Variants in NRBF2 observed in about 807,000 individuals in gnomAD.
NRBF2 encodes the protein nuclear receptor binding factor 2.
NRBF2 carries 12 observed loss-of-function variants against 28.5 expected under a neutral mutation model. The observed-to-expected ratio is 0.42, with a 90% CI of 0.27 to 0.68. The LOEUF (loss-of-function observed/expected upper bound fraction) is 0.68. Ranked by LOEUF, NRBF2 falls within the 30% of genes least tolerant of loss-of-function variation. The pLI is 0.24. For missense variants in NRBF2, 274 were observed against 333.5 expected, an observed-to-expected ratio of 0.82 and a Z score of 1.39; for synonymous variants, 102 against 116.5, an observed-to-expected ratio of 0.88 and a Z score of 0.80.
At chr10:63,134,585 G>A (rs1389840586) in intron 1 of NRBF2, among the ~76,000 whole-genome samples, 1 of 152,136 alleles carries the variant, frequency 6.6e-6, no homozygotes, top group African/African-American at 2.4e-5. Flanking sequence ...CAAACTACTT[G>A]GCTTCACTCG....
At chr10:63,144,759 G>C (rs558915159) in intron 1 of NRBF2, among the ~76,000 whole-genome samples, 1 of 152,238 alleles carries the variant, frequency 6.6e-6, no homozygotes, top group East Asian at 1.9e-4. Context: ...CATTGTGTGT[G>C]TATACTGCAT....
Position 63,154,084 on chromosome 10 carries a change from C to T in NRBF2, c.730C>T (p.Gln244Ter), listed in dbSNP as rs1254684809. 1.2e-6 allele frequency: 2 copies of T among 1,613,838 alleles called. No individual in the cohort carries two copies. The highest frequency in any genetic ancestry group is 2.2e-5 in the East Asian group (1 of 44,882). Residue 244 changes from glutamine (Q) to a stop codon, truncating the protein, a stop_gained, in exon 4 of 4, where the codon CAG becomes TAG. Coordinates refer to ENST00000277746, the MANE Select transcript of NRBF2 (RefSeq NM_030759.5). LOFTEE classifies it high-confidence loss of function. ...AACTGCTACAGCCTCCTCAACCTGG[C>T]AGAAGTTCGCAGCAAATACTGGGAA... Reference protein sequence around the residue: ...AETATASSTWQKFAANTGKAK... With the variant: ...AETATASSTW
At position 63,153,538 on chromosome 10, in the gene NRBF2, G is replaced by C. The variant is rs755719040; in HGVS notation, c.184G>C (p.Asp62His). 1 of 1,611,426 alleles carries C rather than the reference G, an allele frequency of 6.2e-7. No individual in the cohort carries two copies. The highest frequency in any genetic ancestry group is 1.1e-5 in the South Asian group (1 of 90,920). ...QAHLSLELQRDSHMKQLLLIQ... is the reference protein window; with the variant it reads ...QAHLSLELQRHSHMKQLLLIQ... Reference sequence around the variant, plus strand: ...TCATCTTTCACTGGAATTGCAAAGGGATAGCCATATGAAACAGCTCCTCCT... The same window carrying C: ...TCATCTTTCACTGGAATTGCAAAGGCATAGCCATATGAAACAGCTCCTCCT... Residue 62 changes from aspartate to histidine, a missense_variant, in exon 4 of 4, where the codon GAT (aspartate) becomes CAT (histidine). Physicochemically the swap from Asp to His is moderately conservative, Grantham distance 81. Transcript: ENST00000277746.
intron 1 of NRBF2, among the ~76,000 whole-genome samples, chr10:63,138,309 T>A (rs1841405472): frequency 6.7e-6 from 1 of 150,170 alleles, no homozygotes; most frequent in South Asian, 2.1e-4. Context: ...TGAAACTCCG[T>A]ATCAAAAAAC....
At chr10:63,133,547 C>A (rs1365628764) in intron 1 of NRBF2, 47 bp downstream of exon 1, 1 of 1,437,928 alleles carries the variant, frequency 7.0e-7, no homozygotes, top group Non-Finnish European at 9.8e-7. Context: ...GCCTTTGCCT[C>A]AGGAGCCCGG....
chr10:63,144,900 G>T (rs531331803), intron 1 of NRBF2, among the ~76,000 whole-genome samples: 1 of 152,096 alleles, frequency 6.6e-6, no homozygotes, highest in Non-Finnish European at 1.5e-5. Flanking sequence ...GCTAAATCGT[G>T]TGTGTTTGTT....
At chr10:63,141,506 G>A (rs1479914997) in intron 1 of NRBF2, among the ~76,000 whole-genome samples, 1 of 152,188 alleles carries the variant, frequency 6.6e-6, no homozygotes, top group African/African-American at 2.4e-5. Flanking sequence ...TCAACTTCTT[G>A]ATGGCAGGTA....
chr10:63,142,836 A>G (rs975426441), intron 1 of NRBF2, among the ~76,000 whole-genome samples: 78 of 123,206 alleles, frequency 6.3e-4, no homozygotes, highest in African/African-American at 2.4e-3. Flanking sequence ...GCTAGAGTGC[A>G]GTAGCACGAT....
intron 1 of NRBF2, among the ~76,000 whole-genome samples, chr10:63,134,770 C>T (rs1196397783): frequency 4.6e-5 from 7 of 152,194 alleles, no homozygotes; most frequent in Admixed American, 6.5e-5. Context: ...CTAAGATTCT[C>T]GGACCAAATC....
intron 3 of NRBF2, among the ~76,000 whole-genome samples, chr10:63,152,559 G>C (rs1353373489): frequency 2.0e-5 from 3 of 152,200 alleles, no homozygotes; most frequent in Admixed American, 2.0e-4. Context: ...CCCTTTGCTT[G>C]TCAAAGATAA....
At chr10:63,139,389 G>C (rs1423270067) in intron 1 of NRBF2, among the ~76,000 whole-genome samples, 1 of 152,170 alleles carries the variant, frequency 6.6e-6, no homozygotes, top group African/African-American at 2.4e-5. Flanking sequence ...AAGTAATACT[G>C]TTTTCTTTTG....
chr10:63,143,313 A>T (rs751339962), intron 1 of NRBF2, among the ~76,000 whole-genome samples: 31 of 152,214 alleles, frequency 2.0e-4, no homozygotes, highest in Non-Finnish European at 4.0e-4. Context: ...CCTGTGTTTT[A>T]TACTGAGTAT....
chr10:63,138,726 A>AG (rs2132678185), intron 1 of NRBF2, among the ~76,000 whole-genome samples: 1 of 86,342 alleles, frequency 1.2e-5, no homozygotes, highest in Non-Finnish European at 3.6e-5. Flanking sequence ...CCTGGGCGAC[A>AG]GAGCGAGACT....
rs1180931777 is a variant in NRBF2 at position 63,153,913 on chromosome 10, G to T, written c.559G>T (p.Ala187Ser). The change falls in exon 4 of 4, where the codon GCT (alanine) becomes TCT (serine). Residue 187 changes from alanine to serine, a missense_variant. Ala to Ser is a moderately conservative substitution (Grantham distance 99). Coordinates refer to ENST00000277746, the MANE Select transcript of NRBF2 (RefSeq NM_030759.5). Reference protein sequence around the residue: ...DLKRHVEFLVAENERLRKENK... With the variant: ...DLKRHVEFLVSENERLRKENK... ...GAAGAGGCATGTGGAATTCCTTGTG[G>T]CTGAGAATGAAAGATTAAGGAAAGA... 1 of 1,611,994 alleles carries T rather than the reference G, an allele frequency of 6.2e-7. No individual in the cohort carries two copies. The highest frequency in any genetic ancestry group is 1.7e-5 in the Admixed American group (1 of 60,010).
intron 1 of NRBF2, among the ~76,000 whole-genome samples, chr10:63,135,246 T>C (rs1841357012): frequency 6.6e-6 from 1 of 152,202 alleles, no homozygotes; most frequent in African/African-American, 2.4e-5. Flanking sequence ...TAGTTGGCAA[T>C]GAAATACAGT....
intron 2 of NRBF2, among the ~76,000 whole-genome samples, chr10:63,148,369 G>A (rs764025304): frequency 3.3e-5 from 5 of 152,212 alleles, no homozygotes; most frequent in Non-Finnish European, 7.3e-5. Flanking sequence ...GAAAGTTGAC[G>A]TGGTTGAAAT....
chr10:63,133,388 T>A lies in NRBF2; in HGVS notation c.-83T>A. 1.3e-6 allele frequency: 2 copies of A among 1,545,644 alleles called. No individual in the cohort carries two copies. Among genetic ancestry groups the A allele is most frequent in the Non-Finnish European group, 1.8e-6 (2 of 1,128,486 alleles). ...AGAGAGGGGCCGCAGTCTCCGCGGC[T>A]GCGTCGAGCTCCCTTGCAGTCCCCT... On this transcript the variant is annotated 5_prime_UTR_variant, in exon 1 of 4. Transcript: ENST00000277746.
intron 1 of NRBF2, 84 bp downstream of exon 1, chr10:63,133,584 C>A: frequency 9.4e-7 from 1 of 1,064,976 alleles, no homozygotes; most frequent in Non-Finnish European, 1.4e-6. Context: ...TCGGCTAACC[C>A]TTTAGGCTGG....
At position 63,152,187 on chromosome 10, in the gene NRBF2, G is replaced by A. The variant is rs368838023; in HGVS notation, c.153G>A (p.Glu51=). The change falls in exon 3 of 4, where the codon GAG becomes GAA. Residue 51 remains glutamate, a synonymous_variant. Transcript: ENST00000277746. ...LSEAMKLTQS[E]QAHLSLELQR... The stretch of plus-strand genomic sequence containing the variant: ...AAGCCATGAAGCTGACACAGTCAGA[G>A]CAGGTGAGACATATTCCCAATATTT... 3 of 1,613,190 alleles carry A rather than the reference G, an allele frequency of 1.9e-6. No individual in the cohort carries two copies. Among genetic ancestry groups the A allele is most frequent in the Non-Finnish European group, 2.5e-6 (3 of 1,179,380 alleles).
Sources: gnomAD v4.1 joint callset for allele counts (sites outside exome capture counted in the v4.1 genomes callset) on GRCh38, gnomAD v4.1.1 for gene constraint, MANE v1.5 for transcripts, NCBI Gene and HGNC (gene_info 2026-07-23, HGNC 2026-07-21) for gene names.